Variants in CFAP276 observed in about 807,000 individuals in gnomAD.
CFAP276 encodes cilia- and flagella-associated protein 276.
chr1:109,106,651 A>T, the CFAP276 span: 4 of 1,613,812 alleles, frequency 2.5e-6, no homozygotes, highest in South Asian at 4.4e-5. Flanking sequence ...AGGGAATTGG[A>T]TCTTGGTTCT....
At chr1:109,111,110 C>G in the CFAP276 span, among the ~76,000 whole-genome samples, 3 of 152,190 alleles carry the variant, frequency 2.0e-5, no homozygotes, top group Admixed American at 2.0e-4. Context: ...CTCATCCTAT[C>G]CAGTCTGCTG....
chr1:109,112,718 C>G, the CFAP276 span: 9 of 1,546,588 alleles, frequency 5.8e-6, no homozygotes, highest in Admixed American at 1.8e-4. Context: ...ATGGGAGGCC[C>G]GCTCAGCCGC....
At chr1:109,110,989 T>C in the CFAP276 span, among the ~76,000 whole-genome samples, 1 of 152,196 alleles carries the variant, frequency 6.6e-6, no homozygotes, top group Non-Finnish European at 1.5e-5. Flanking sequence ...CCTGTGCACC[T>C]TTCTCACATC....
At chr1:109,109,094 T>TA in the CFAP276 span, among the ~76,000 whole-genome samples, 1 of 152,122 alleles carries the variant, frequency 6.6e-6, no homozygotes, top group African/African-American at 2.4e-5. Context: ...CACATGGTAT[T>TA]AAAAAATGCT....
At chr1:109,106,162 T>C in the CFAP276 span, 1 of 1,380,718 alleles carries the variant, frequency 7.2e-7, no homozygotes, top group South Asian at 1.2e-5. Flanking sequence ...CTAGGAAACT[T>C]TAAACATCAA....
the CFAP276 span, chr1:109,106,495 C>T: frequency 6.2e-7 from 1 of 1,603,424 alleles, no homozygotes; most frequent in Non-Finnish European, 8.5e-7. Flanking sequence ...GAAAGACTCC[C>T]CCACTGCCCC....
the CFAP276 span, chr1:109,107,018 C>G: frequency 1.2e-6 from 2 of 1,613,284 alleles, no homozygotes; most frequent in South Asian, 2.2e-5. Context: ...TATAGGTATC[C>G]TGCGTGGTTT....
chr1:109,107,323 G>A, the CFAP276 span, among the ~76,000 whole-genome samples: 1 of 152,182 alleles, frequency 6.6e-6, no homozygotes, highest in Non-Finnish European at 1.5e-5. Flanking sequence ...TCTAGGGAGT[G>A]GTGAGCTCTC....
chr1:109,109,334 G>C, the CFAP276 span, among the ~76,000 whole-genome samples: 1 of 151,508 alleles, frequency 6.6e-6, no homozygotes, highest in East Asian at 2.0e-4. Flanking sequence ...TGTAATCTCA[G>C]CTACTTGGGA....
At chr1:109,113,416 A>AAAG in the CFAP276 span, among the ~76,000 whole-genome samples, 1 of 68,040 alleles carries the variant, frequency 1.5e-5, no homozygotes, top group Admixed American at 1.6e-4. Flanking sequence ...GAGAGAGAGA[A>AAAG]AGAGAGAGAG....
the CFAP276 span, chr1:109,113,775 G>A: frequency 7.2e-7 from 1 of 1,388,534 alleles, no homozygotes; most frequent in Non-Finnish European, 1.0e-6. Flanking sequence ...AAATTTGTTG[G>A]CTGGCTTGGA....
the CFAP276 span, chr1:109,113,777 T>C: frequency 1.3e-5 from 18 of 1,354,088 alleles, no homozygotes; most frequent in Non-Finnish European, 3.1e-6. Flanking sequence ...ATTTGTTGGC[T>C]GGCTTGGAGG....
At chr1:109,109,436 G>C in the CFAP276 span, among the ~76,000 whole-genome samples, 1 of 150,930 alleles carries the variant, frequency 6.6e-6, no homozygotes, top group Non-Finnish European at 1.5e-5. Context: ...CAACAAGAGT[G>C]GGACTCTGTC....
At chr1:109,113,586 G>T in the CFAP276 span, 1 of 1,595,412 alleles carries the variant, frequency 6.3e-7, no homozygotes, top group Non-Finnish European at 8.6e-7. Flanking sequence ...TGGATTTGGC[G>T]GGATGTAAGA....
the CFAP276 span, among the ~76,000 whole-genome samples, chr1:109,113,416 A>AGAGAGAGGAGAG: frequency 1.6e-4 from 11 of 68,080 alleles, no homozygotes; most frequent in Non-Finnish European, 2.3e-4. Flanking sequence ...GAGAGAGAGA[A>AGAGAGAGGAGAG]AGAGAGAGAG....
chr1:109,113,416 A>AGAGAGAGGAGAGAGAGAG, the CFAP276 span, among the ~76,000 whole-genome samples: 6 of 68,080 alleles, frequency 8.8e-5, no homozygotes, highest in Non-Finnish European at 1.0e-4. Context: ...GAGAGAGAGA[A>AGAGAGAGGAGAGAGAGAG]AGAGAGAGAG....
the CFAP276 span, chr1:109,107,245 C>A: frequency 1.4e-6 from 1 of 699,018 alleles, no homozygotes; most frequent in Non-Finnish European, 2.5e-6. Flanking sequence ...TGAAATCCAC[C>A]AACTCCGTAC....
the CFAP276 span, chr1:109,106,693 T>A: frequency 6.5e-5 from 104 of 1,604,266 alleles, no homozygotes; most frequent in Admixed American, 1.2e-4. Context: ...AAGTGGAGAG[T>A]GAAATCAATC....
the CFAP276 span, among the ~76,000 whole-genome samples, chr1:109,108,817 C>T: frequency 2.0e-5 from 3 of 152,064 alleles, no homozygotes; most frequent in Non-Finnish European, 4.4e-5. Context: ...GAGGATTGTA[C>T]AGTATTATAA....
Sources: gnomAD v4.1 joint callset for allele counts (sites outside exome capture counted in the v4.1 genomes callset) on GRCh38, gnomAD v4.1.1 for gene constraint, MANE v1.5 for transcripts, NCBI Gene and HGNC (gene_info 2026-07-23, HGNC 2026-07-21) for gene names.